The following SOX5 variants were observed in gnomAD, a reference collection of about 807,000 sequenced individuals.
SOX5 encodes the protein SRY-box transcription factor 5.
SOX5 carries 9 observed loss-of-function variants against 92.0 expected under a neutral mutation model. The ratio of observed to expected loss-of-function variants is 0.10; its 90% CI spans 0.06 to 0.17. The LOEUF is 0.17. Ranked by LOEUF, SOX5 falls within the 10% of genes least tolerant of loss-of-function variation. The pLI is 1.00. For missense variants in SOX5, 642 were observed against 944.5 expected, an observed-to-expected ratio of 0.68 and a Z score of 4.20; for synonymous variants, 344 against 336.3, an observed-to-expected ratio of 1.02 and a Z score of -0.25.
intron 3 of SOX5, among the ~76,000 whole-genome samples, chr12:23,835,400 GTCTC>G: frequency 6.6e-6 from 1 of 151,786 alleles, no homozygotes; most frequent in African/African-American, 2.4e-5. Context: ...CTCTGTCTTG[GTCTC>G]TCTCTTTCTA....
intron 3 of SOX5, among the ~76,000 whole-genome samples, chr12:23,839,842 A>T (rs73265670): frequency 0.094 from 14,304 of 151,574 alleles, 852 homozygotes; most frequent in East Asian, 0.2. Flanking sequence ...AAAAAAAAAA[A>T]ATTACAAAAA....
At chr12:24,512,133 C>T (rs1286432817) in intron 1 of SOX5, among the ~76,000 whole-genome samples, 1 of 152,084 alleles carries the variant, frequency 6.6e-6, no homozygotes, top group Non-Finnish European at 1.5e-5. Context: ...ATTCTTAAAG[C>T]CTTTGCAACA....
intron 6 of SOX5, among the ~76,000 whole-genome samples, chr12:23,676,085 GGA>G (rs2085634390): frequency 6.6e-6 from 1 of 152,066 alleles, no homozygotes; most frequent in South Asian, 2.1e-4. Context: ...GTGAAAATGG[GGA>G]GATGTAGGTC....
intron 1 of SOX5, among the ~76,000 whole-genome samples, chr12:24,407,253 C>T (rs1015623100): frequency 2.0e-5 from 3 of 152,210 alleles, no homozygotes; most frequent in Admixed American, 1.3e-4. Flanking sequence ...CAGCAGTCCA[C>T]AAGTACTGAC....
At chr12:24,005,738 T>G (rs1405088855) in intron 4 of SOX5, among the ~76,000 whole-genome samples, 1 of 152,132 alleles carries the variant, frequency 6.6e-6, no homozygotes, top group African/African-American at 2.4e-5. Context: ...ACTCATTGAG[T>G]GAATGAATGA....
At chr12:23,781,153 G>A (rs933905736) in intron 3 of SOX5, among the ~76,000 whole-genome samples, 7 of 151,954 alleles carry the variant, frequency 4.6e-5, no homozygotes, top group Non-Finnish European at 7.4e-5. Context: ...AACAGGGCAC[G>A]GTATCAAAGG....
chr12:23,730,200 G>C (rs1462430076), intron 6 of SOX5, among the ~76,000 whole-genome samples: 2 of 151,784 alleles, frequency 1.3e-5, no homozygotes, highest in Non-Finnish European at 2.9e-5. Flanking sequence ...CTGTAGAATA[G>C]GCAACAGAGT....
chr12:24,240,263 T>A (rs1239889933), intron 3 of SOX5, among the ~76,000 whole-genome samples: 1 of 152,174 alleles, frequency 6.6e-6, no homozygotes, highest in Non-Finnish European at 1.5e-5. Flanking sequence ...AAGCAGCTAA[T>A]CTTTGGCTCC....
At chr12:23,757,867 T>G (rs2141269683) in intron 3 of SOX5, among the ~76,000 whole-genome samples, 1 of 152,012 alleles carries the variant, frequency 6.6e-6, no homozygotes, top group East Asian at 1.9e-4. Context: ...GTCTTCTGTC[T>G]AAGTTGCAGA....
At chr12:23,701,999 G>A (rs1367807320) in intron 6 of SOX5, among the ~76,000 whole-genome samples, 5 of 152,074 alleles carry the variant, frequency 3.3e-5, no homozygotes, top group Non-Finnish European at 1.5e-5. Flanking sequence ...GTAGCAAAAT[G>A]TCGATGCTAG....
intron 13 of SOX5, among the ~76,000 whole-genome samples, chr12:23,536,916 C>A (rs1365702387): frequency 6.6e-6 from 1 of 151,554 alleles, no homozygotes; most frequent in Non-Finnish European, 1.5e-5. Context: ...TGTATTATGT[C>A]CCTTAAAGCT....
chr12:24,516,287 A>G (rs1379110116), intron 1 of SOX5, among the ~76,000 whole-genome samples: 1 of 152,092 alleles, frequency 6.6e-6, no homozygotes, highest in African/African-American at 2.4e-5. Flanking sequence ...GCCTCAAGCA[A>G]TCCTCCCACC....
chr12:23,698,382 T>C (rs1245066514), intron 6 of SOX5, among the ~76,000 whole-genome samples: 1 of 152,188 alleles, frequency 6.6e-6, no homozygotes, highest in African/African-American at 2.4e-5. Context: ...GTTTCATTGG[T>C]CTTTTTTCTG....
chr12:24,187,502 TTGAG>T (rs1249111673), intron 4 of SOX5, among the ~76,000 whole-genome samples: 3 of 152,332 alleles, frequency 2.0e-5, no homozygotes, highest in African/African-American at 7.2e-5. Context: ...TAACTGCACT[TTGAG>T]TGTTTTTACA....
intron 3 of SOX5, among the ~76,000 whole-genome samples, chr12:23,827,905 T>C (rs754807563): frequency 5.3e-5 from 8 of 152,218 alleles, no homozygotes; most frequent in Non-Finnish European, 1.2e-4. Context: ...CTGGCTGTGT[T>C]TATTCAGAAA....
intron 3 of SOX5, among the ~76,000 whole-genome samples, chr12:24,221,899 A>G (rs1960541253): frequency 6.6e-6 from 1 of 152,206 alleles, no homozygotes; most frequent in Admixed American, 6.5e-5. Context: ...ACGATGGCAT[A>G]CTGTATTTTC....
chr12:24,204,327 A>AATTATT (rs1555173283), intron 4 of SOX5, among the ~76,000 whole-genome samples: 111 of 149,962 alleles, frequency 7.4e-4, no homozygotes, highest in African/African-American at 2.5e-3. Context: ...TATTATTATT[A>AATTATT]ATTATTATTA....
intron 3 of SOX5, among the ~76,000 whole-genome samples, chr12:23,842,933 G>A (rs1034545794): frequency 1.3e-5 from 2 of 152,178 alleles, no homozygotes; most frequent in Non-Finnish European, 2.9e-5. Context: ...CAGAGAGCAA[G>A]TTTATCGTGG....
intron 3 of SOX5, among the ~76,000 whole-genome samples, chr12:23,771,532 T>G (rs1359961302): frequency 6.6e-6 from 1 of 152,242 alleles, no homozygotes; most frequent in East Asian, 1.9e-4. Flanking sequence ...ATACAACCGC[T>G]GACTGAGTTT....
Sources: allele counts gnomAD v4.1 joint callset (sites outside exome capture counted in the v4.1 genomes callset), GRCh38; gene constraint gnomAD v4.1.1; transcripts MANE v1.5; gene names NCBI Gene and HGNC (gene_info 2026-07-23, HGNC 2026-07-21).